The following VPS35 variants were observed in gnomAD, a reference collection of about 807,000 sequenced individuals.
VPS35 encodes VPS35 retromer complex component.
Under a neutral mutation model 98.1 loss-of-function variants are expected in VPS35, and 21 were observed. That is an observed-to-expected ratio of 0.21 (90% CI 0.15 to 0.31). The LOEUF is 0.31. Among genes scored for constraint, VPS35 ranks in the 10% least tolerant of loss-of-function variants. The probability of loss-of-function intolerance (pLI) is 1.00; values close to 1 mark genes in which losing one functional copy is unlikely to be tolerated. For synonymous variants in VPS35, 268 were observed against 318.2 expected, an observed-to-expected ratio of 0.84 and a Z score of 1.68; for missense variants, 554 against 950.8, an observed-to-expected ratio of 0.58 and a Z score of 5.49.
At chr16:46,675,555 C>G (rs1386810241) in intron 8 of VPS35, among the ~76,000 whole-genome samples, 2 of 152,118 alleles carry the variant, frequency 1.3e-5, no homozygotes, top group African/African-American at 4.8e-5. Context: ...AGAGTGGGCC[C>G]AATAAGTATG....
intron 7 of VPS35, 147 bp downstream of exon 7, chr16:46,677,168 T>C (rs1966164438): frequency 1.3e-6 from 1 of 745,198 alleles, no homozygotes; most frequent in African/African-American, 1.8e-5. Context: ...ACTGCTGAGA[T>C]TACAGGTGTG....
intron 3 of VPS35, 142 bp downstream of exon 3, chr16:46,681,937 C>A: frequency 1.5e-6 from 1 of 673,144 alleles, no homozygotes; most frequent in Non-Finnish European, 2.7e-6. Flanking sequence ...CTTAGCACAT[C>A]TGCATGGAGA....
chr16:46,688,950 C>G, intron 1 of VPS35, 181 bp downstream of exon 1: 1 of 1,492,146 alleles, frequency 6.7e-7, no homozygotes, highest in Admixed American at 2.2e-5. Flanking sequence ...CACCCCGGCC[C>G]GGATCAGCCT....
At chr16:46,688,231 C>T (rs1966354267) in intron 1 of VPS35, 5 of 823,294 alleles carry the variant, frequency 6.1e-6, no homozygotes, top group Non-Finnish European at 7.3e-6. Flanking sequence ...GTAATTAAAG[C>T]GGACATACAG....
At chr16:46,676,725 ATTT>A (rs1966158090) in intron 7 of VPS35, 33 bp from the exon 8 acceptor site, 1 of 1,446,832 alleles carries the variant, frequency 6.9e-7, no homozygotes, top group Non-Finnish European at 9.7e-7. Context: ...AAATAAAAGT[ATTT>A]CACGTAATAT....
At chr16:46,660,675 C>T in intron 16 of VPS35, 24 bp from the exon 17 acceptor site, 1 of 1,606,668 alleles carries the variant, frequency 6.2e-7, no homozygotes, top group Non-Finnish European at 8.5e-7. Context: ...TGTACAAATT[C>T]ATGATCAAGC....
chr16:46,688,860 C>T (rs1966370563), intron 1 of VPS35: 1 of 1,427,868 alleles, frequency 7.0e-7, no homozygotes, highest in African/African-American at 1.4e-5. Flanking sequence ...CTTCATGGAC[C>T]CCAAAGCCTA....
In VPS35 at chr16:46,656,461, C is replaced by T. The variant is rs1292840116; in HGVS notation, c.*4011G>A. On this transcript the variant is annotated 3_prime_UTR_variant, in exon 17 of 17. Coordinates refer to ENST00000299138, the MANE Select transcript of VPS35 (RefSeq NM_018206.6). ...AGTGAAAGAGATCAGACCCAAATGA[C>T]TCCATCTTGCTTCTAACCTTTAAGC... 6.6e-6 allele frequency: 1 copy of T among 152,210 alleles called. No individual in the cohort carries two copies. Among genetic ancestry groups the T allele is most frequent in the African/African-American group, 2.4e-5 (1 of 41,454 alleles). 9.4% of individuals were successfully genotyped at this position (152,210 alleles called of 1,614,324 possible).
At chr16:46,675,491 T>C (rs1484470635) in intron 8 of VPS35, among the ~76,000 whole-genome samples, 1 of 152,228 alleles carries the variant, frequency 6.6e-6, no homozygotes. Context: ...CTGACAGAGA[T>C]GTGTAAGTGA....
chr16:46,661,899 T>A lies in VPS35; in HGVS notation c.2068-38A>T. The A allele has an allele frequency of 2.5e-6, 4 of 1,613,692 alleles. No individual in the cohort carries two copies. The highest frequency in any genetic ancestry group is 3.4e-6 in the Non-Finnish European group (4 of 1,179,804). ...GGCAGGGGGACAGTGAAGAGATTAA[T>A]GAAACATCTCGTTTTCATACAAAGA... On this transcript the variant is annotated intron_variant, in intron 15 of 16. Transcript: ENST00000299138. This position sits in a 1 kb window ranked among gnomAD's most constrained non-coding sequence, Gnocchi z 4.3.
rs1377214894 is a variant in VPS35 at position 46,658,961 on chromosome 16, T to C, written c.*1511A>G. The C allele has an allele frequency of 6.6e-6, 1 of 152,178 alleles. No homozygotes were observed. The highest frequency in any genetic ancestry group is 1.5e-5 in the Non-Finnish European group (1 of 68,028). 9.4% of individuals were successfully genotyped at this position (152,178 alleles called of 1,614,324 possible). Reference sequence around the variant, plus strand: ...TTGAATATAGGCTAGACTTAGTGACTCCCCACTTACAGAATAAGGCAAAAA... The same window carrying C: ...TTGAATATAGGCTAGACTTAGTGACCCCCCACTTACAGAATAAGGCAAAAA... On this transcript the variant is annotated 3_prime_UTR_variant, in exon 17 of 17. Transcript: ENST00000299138.
intron 1 of VPS35, 103 bp from the exon 2 acceptor site, chr16:46,683,709 T>C (rs1368221128): frequency 1.6e-6 from 2 of 1,231,842 alleles, no homozygotes; most frequent in East Asian, 2.5e-5. Flanking sequence ...TGTCCAGCTC[T>C]ATACCTCAAA....
intron 1 of VPS35, 46 bp from the exon 2 acceptor site, chr16:46,683,652 G>T (rs1261580123): frequency 3.3e-6 from 5 of 1,494,644 alleles, no homozygotes; most frequent in Non-Finnish European, 4.6e-6. Context: ...CATTCTTCTA[G>T]CAAGTACGTT....
chr16:46,662,572 T>C, intron 14 of VPS35, 90 bp from the exon 15 acceptor site: 4 of 1,584,448 alleles, frequency 2.5e-6, no homozygotes, highest in Non-Finnish European at 2.6e-6. Flanking sequence ...ACCTCCATCC[T>C]GTGAGACTTC....
rs748557788 is a variant in VPS35 at position 46,661,695 on chromosome 16, C to G, written c.2211+23G>C. 1.3e-6 allele frequency: 2 copies of G among 1,588,010 alleles called. No homozygotes were observed. Among genetic ancestry groups the G allele is most frequent in the Admixed American group, 3.3e-5 (2 of 59,902 alleles). ...GGAAGGGAAAATATTAGTTTATTAA[C>G]AACACTTTACTAATTCACTTACCGC... On this transcript the variant is annotated intron_variant, in intron 16 of 16. Transcript: ENST00000299138. The surrounding 1 kb of genome is among the most constrained non-coding windows in gnomAD (Gnocchi z 4.3).
rs1418498614 is a variant in VPS35, at chr16:46,656,784, A to T, written c.*3688T>A. 2.0e-5 allele frequency: 3 copies of T among 152,374 alleles called. No individual in the cohort carries two copies. The highest frequency in any genetic ancestry group is 6.5e-5 in the Admixed American group (1 of 15,282). The allele number at this position is 152,374 out of a possible 1,614,324, so 9.4% of individuals were successfully genotyped here. A position where few individuals can be genotyped will look rare whatever the true frequency, so the allele number is the denominator to read the frequency against. On this transcript the variant is annotated 3_prime_UTR_variant, in exon 17 of 17. Coordinates refer to ENST00000299138, the MANE Select transcript of VPS35 (RefSeq NM_018206.6). The stretch of plus-strand genomic sequence containing the variant: ...CACTTTGGGAGGCTGAGCCAGGTGG[A>T]TCACAAGGTCAGAAGTTCGTGACCA...
Position 46,657,304 on chromosome 16 carries a change from T to C in VPS35, c.*3168A>G, listed in dbSNP as rs1965851344. On this transcript the variant is annotated 3_prime_UTR_variant, in exon 17 of 17. Coordinates refer to ENST00000299138, the MANE Select transcript of VPS35 (RefSeq NM_018206.6). ...ATTTCTCTACCTTTCATTTACAATA[T>C]GCAGTCTGGAATTCCCATTGTCAAA... The C allele has an allele frequency of 6.6e-6, 1 of 152,218 alleles. No homozygotes were observed. The highest frequency in any genetic ancestry group is 2.4e-5 in the African/African-American group (1 of 41,464). The allele number at this position is 152,218 out of a possible 1,614,324, so 9.4% of individuals were successfully genotyped here.
chr16:46,682,830 A>G (rs1966253741), intron 2 of VPS35: 1 of 154,252 alleles, frequency 6.5e-6, no homozygotes, highest in African/African-American at 2.4e-5. Context: ...AAAGCACAGT[A>G]AGACATTTTA....
chr16:46,677,262 T>G, intron 7 of VPS35, 53 bp downstream of exon 7: 1 of 1,529,408 alleles, frequency 6.5e-7, no homozygotes, highest in South Asian at 1.1e-5. Flanking sequence ...ACAATTAAAT[T>G]TAATGAAAGA....
Sources: gnomAD v4.1 joint callset for allele counts (sites outside exome capture counted in the v4.1 genomes callset) on GRCh38, gnomAD v4.1.1 for gene constraint, Gnocchi (gnomAD v3.1) non-coding constraint, MANE v1.5 for transcripts, NCBI Gene and HGNC (gene_info 2026-07-23, HGNC 2026-07-21) for gene names.